Variants in CSMD1 observed in about 807,000 individuals in gnomAD.
The protein encoded by CSMD1 is CUB and Sushi multiple domains 1.
A neutral mutation model predicts 417.5 loss-of-function variants in CSMD1; 213 were observed. The observed-to-expected ratio is 0.51, with a 90% CI of 0.46 to 0.57. The LOEUF (loss-of-function observed/expected upper bound fraction) is 0.57. Among genes scored for constraint, CSMD1 ranks in the 20% least tolerant of loss-of-function variants. The pLI is 0.00. For synonymous variants in CSMD1, 2,862 were observed against 1,736.8 expected (o/e 1.65, Z -16.11); for missense variants, 6,923 against 4,529.7 (o/e 1.53, Z -15.17).
intron 5 of CSMD1, among the ~76,000 whole-genome samples, chr8:3,977,971 T>C (rs1407297044): frequency 6.6e-6 from 1 of 152,192 alleles, no homozygotes; most frequent in African/African-American, 2.4e-5. Flanking sequence ...TACGTGTCCA[T>C]CTACTAGCTC....
chr8:4,037,157 G>T (rs973642131), intron 3 of CSMD1, among the ~76,000 whole-genome samples: 1 of 152,216 alleles, frequency 6.6e-6, no homozygotes, highest in African/African-American at 2.4e-5. Flanking sequence ...GAGCTCACAT[G>T]TGTGTCAGTG....
At position 4,113,900 on chromosome 8, in the gene CSMD1, A is replaced by G. The variant is rs202138968; in HGVS notation, c.416-81801T>C. On this transcript the variant is annotated intron_variant, in intron 3 of 69. Transcript: ENST00000635120. ...AGAGAGGTAAGGAAGTTGCAGAAGAAAACTCCGAAGCCAGCAGAGACTGGT... is the reference window on the plus strand; with the variant it reads ...AGAGAGGTAAGGAAGTTGCAGAAGAGAACTCCGAAGCCAGCAGAGACTGGT... 9.8e-5 allele frequency among the ~76,000 whole-genome samples: 15 copies of G among 152,328 alleles called. No individual in the cohort carries two copies. The East Asian group carries it at 2.3e-3, about 24-fold the overall frequency.
At chr8:3,375,750 T>G (rs1422298279) in intron 18 of CSMD1, among the ~76,000 whole-genome samples, 1 of 152,106 alleles carries the variant, frequency 6.6e-6, no homozygotes, top group African/African-American at 2.4e-5. Flanking sequence ...GTCCTCACAG[T>G]GTGATCGCTG....
chr8:4,580,347 T>C (rs1355865398), intron 2 of CSMD1, among the ~76,000 whole-genome samples: 1 of 152,204 alleles, frequency 6.6e-6, no homozygotes, highest in African/African-American at 2.4e-5. Flanking sequence ...GTATCATATA[T>C]CTTTTTAACA....
At chr8:3,266,919 G>A (rs1247844442) in intron 26 of CSMD1, among the ~76,000 whole-genome samples, 1 of 152,142 alleles carries the variant, frequency 6.6e-6, no homozygotes, top group Non-Finnish European at 1.5e-5. Context: ...TAACTTAGAG[G>A]TCAAGAAATG....
chr8:3,142,934 AG>A (rs1306427485), intron 40 of CSMD1, among the ~76,000 whole-genome samples: 1 of 152,204 alleles, frequency 6.6e-6, no homozygotes, highest in African/African-American at 2.4e-5. Flanking sequence ...GAATATTACC[AG>A]CACCGTACCA....
chr8:3,729,696 C>T (rs933968527), intron 6 of CSMD1, among the ~76,000 whole-genome samples: 1 of 151,980 alleles, frequency 6.6e-6, no homozygotes, highest in African/African-American at 2.4e-5. Context: ...CTCGCCTCTT[C>T]TTCTGCTAAG....
chr8:4,398,443 G>C (rs1341924985), intron 3 of CSMD1, among the ~76,000 whole-genome samples: 3 of 138,482 alleles, frequency 2.2e-5, no homozygotes, highest in Non-Finnish European at 4.5e-5. Context: ...CCCCAGGCTG[G>C]AGCGCAGTGG....
chr8:4,386,581 C>G (rs1803470363), intron 3 of CSMD1, among the ~76,000 whole-genome samples: 1 of 152,210 alleles, frequency 6.6e-6, no homozygotes, highest in Non-Finnish European at 1.5e-5. Context: ...GAGAGAAAGG[C>G]CTGTTACGGC....
chr8:3,080,422 G>C (rs1388380057), intron 49 of CSMD1, among the ~76,000 whole-genome samples: 1 of 152,236 alleles, frequency 6.6e-6, no homozygotes, highest in Non-Finnish European at 1.5e-5. Context: ...TTTTCAGAGA[G>C]AAATAATTTA....
intron 3 of CSMD1, among the ~76,000 whole-genome samples, chr8:4,367,506 T>A (rs1178013389): frequency 6.6e-6 from 1 of 152,194 alleles, no homozygotes; most frequent in Non-Finnish European, 1.5e-5. Context: ...ACCTCCAGCT[T>A]TGTTCCTTTT....
intron 3 of CSMD1, among the ~76,000 whole-genome samples, chr8:4,349,408 C>G (rs939004374): frequency 6.6e-6 from 1 of 152,128 alleles, no homozygotes; most frequent in African/African-American, 2.4e-5. Flanking sequence ...GAAATATTAT[C>G]ACCTCTACTT....
chr8:4,091,974 G>C (rs1415241071), intron 3 of CSMD1, among the ~76,000 whole-genome samples: 1 of 152,140 alleles, frequency 6.6e-6, no homozygotes, highest in African/African-American at 2.4e-5. Context: ...ACTCTGCTAA[G>C]ACATTTTATG....
intron 5 of CSMD1, among the ~76,000 whole-genome samples, chr8:3,874,703 C>T (rs1260323517): frequency 6.6e-6 from 1 of 152,136 alleles, no homozygotes; most frequent in Non-Finnish European, 1.5e-5. Context: ...CCTCCTACAA[C>T]AAATGCGACT....
intron 5 of CSMD1, among the ~76,000 whole-genome samples, chr8:3,934,422 G>T (rs140710976): frequency 6.6e-6 from 1 of 152,142 alleles, no homozygotes; most frequent in Non-Finnish European, 1.5e-5. Flanking sequence ...AACACCGGTA[G>T]TAATTGTTAA....
chr8:3,883,581 T>A (rs938232655), intron 5 of CSMD1, among the ~76,000 whole-genome samples: 1 of 152,186 alleles, frequency 6.6e-6, no homozygotes, highest in African/African-American at 2.4e-5. Context: ...AGGAATAGTT[T>A]GCAAAAATTA....
chr8:4,557,725 A>G (rs562706842), intron 2 of CSMD1, among the ~76,000 whole-genome samples: 7 of 152,214 alleles, frequency 4.6e-5, no homozygotes, highest in Non-Finnish European at 1.0e-4. Flanking sequence ...AAATTTCTAT[A>G]CAGCAAAGGG....
At chr8:3,398,304 A>G (rs1223115701) in intron 16 of CSMD1, among the ~76,000 whole-genome samples, 1 of 152,160 alleles carries the variant, frequency 6.6e-6, no homozygotes, top group Admixed American at 6.5e-5. Flanking sequence ...TTTTCAAATG[A>G]TTGATTATAC....
At chr8:3,990,655 T>G (rs929889144) in intron 5 of CSMD1, among the ~76,000 whole-genome samples, 10 of 152,224 alleles carry the variant, frequency 6.6e-5, no homozygotes, top group African/African-American at 2.2e-4. Flanking sequence ...ATTAAAGGAT[T>G]GCTCTAGAAT....
Sources: allele counts gnomAD v4.1 joint callset (sites outside exome capture counted in the v4.1 genomes callset), GRCh38; gene constraint gnomAD v4.1.1; transcripts MANE v1.5; gene names NCBI Gene and HGNC (gene_info 2026-07-23, HGNC 2026-07-21).